The following VAPB variants were observed in gnomAD, a reference collection of about 807,000 sequenced individuals.
VAPB encodes the protein VAMP associated protein B and C.
VAPB carries 7 observed loss-of-function variants against 25.6 expected under a neutral mutation model. That is an observed-to-expected ratio of 0.27 (90% CI 0.16 to 0.51). The LOEUF (loss-of-function observed/expected upper bound fraction) is 0.51, where lower values mean the gene tolerates loss of function less well. VAPB is among the 20% of genes least tolerant of loss of function. The pLI is 0.97. For missense variants in VAPB, 266 were observed against 301.3 expected (o/e 0.88, Z 0.87); for synonymous variants, 112 against 109.2 (o/e 1.03, Z -0.16).
In VAPB at chr20:58,447,331, A is replaced by G. The variant is rs1345424320; in HGVS notation, c.*3096A>G. 7 of 453,950 alleles carry G rather than the reference A, an allele frequency of 1.5e-5. No homozygotes were observed. The highest frequency in any genetic ancestry group is 1.4e-4 in the Admixed American group (6 of 42,556). 28.1% of individuals were successfully genotyped at this position (453,950 alleles called of 1,614,324 possible). A position where few individuals can be genotyped will look rare whatever the true frequency, so the allele number is the denominator to read the frequency against. ...CTGGCTTTAACTTTTTTCTCCTCCT[A>G]GTTTGCATGTTTTCCTTCTCTCGTC... On this transcript the variant is annotated 3_prime_UTR_variant, in exon 6 of 6. Transcript: ENST00000475243.
In VAPB at chr20:58,450,349, CCT is replaced by C. The variant is rs1375865386; in HGVS notation, c.*6117_*6118del. 1 of 451,738 alleles carries C rather than the reference CCT, an allele frequency of 2.2e-6. No individual in the cohort carries two copies. The highest frequency in any genetic ancestry group is 4.4e-6 in the Non-Finnish European group (1 of 225,830). 28.0% of individuals were successfully genotyped at this position (451,738 alleles called of 1,614,324 possible). A position where few individuals can be genotyped will look rare whatever the true frequency, so the allele number is the denominator to read the frequency against. On this transcript the variant is annotated 3_prime_UTR_variant, in exon 6 of 6. Coordinates refer to ENST00000475243, the MANE Select transcript of VAPB (RefSeq NM_004738.5). ...TCCTTAGCAAACGTTTCGTAAGTAC[CCT>C]CTGTCTGTTTGCTACTATATGAGGT...
chr20:58,409,934 C>CAA (rs1555811897), intron 1 of VAPB, among the ~76,000 whole-genome samples: 25 of 148,454 alleles, frequency 1.7e-4, no homozygotes, highest in African/African-American at 4.3e-4. Context: ...CACACACACA[C>CAA]AATACAGATA....
rs77332354 is a variant in VAPB at position 58,400,989 on chromosome 20, C to G, written c.58+11472C>G. ...TCTTGAGAGAATGTGCAGATGCACA[C>G]AATCAAAACTTTTCATGTAATTTGC... On this transcript the variant is annotated intron_variant, in intron 1 of 5. Transcript: ENST00000475243. Among the ~76,000 whole-genome samples the G allele has an allele frequency of 5.1e-3, 773 of 152,332 alleles. 1 individual carries two copies. The highest frequency in any genetic ancestry group is 7.4e-3 in the Non-Finnish European group (504 of 68,030).
chr20:58,449,576 G>A lies in VAPB; in HGVS notation c.*5341G>A. 1 of 454,072 alleles carries A rather than the reference G, an allele frequency of 2.2e-6. No homozygotes were observed. Among genetic ancestry groups the A allele is most frequent in the Non-Finnish European group, 4.4e-6 (1 of 226,792 alleles). 28.1% of individuals were successfully genotyped at this position (454,072 alleles called of 1,614,324 possible). Reference sequence around the variant, plus strand: ...AAATATTTGCAGTTATGATACCTTGGAATGTTGCCACGATATGGATTGCTT... The same window carrying A: ...AAATATTTGCAGTTATGATACCTTGAAATGTTGCCACGATATGGATTGCTT... On this transcript the variant is annotated 3_prime_UTR_variant, in exon 6 of 6. Transcript: ENST00000475243.
chr20:58,430,387 G>A (rs1287571062), intron 2 of VAPB, among the ~76,000 whole-genome samples: 3 of 151,606 alleles, frequency 2.0e-5, no homozygotes, highest in South Asian at 2.1e-4. Flanking sequence ...TCAGCCTCCC[G>A]AATAGCTGGG....
At chr20:58,407,652 CT>C (rs143424822) in intron 1 of VAPB, among the ~76,000 whole-genome samples, 13 of 145,702 alleles carry the variant, frequency 8.9e-5, no homozygotes, top group South Asian at 2.2e-4. Flanking sequence ...ATACGCCCTC[CT>C]TTTTTTTTTG....
chr20:58,449,333 T>A lies in VAPB; in HGVS notation c.*5098T>A, dbSNP rs1798322665. 2.2e-6 allele frequency: 1 copy of A among 449,850 alleles called. No individual in the cohort carries two copies. Among genetic ancestry groups the A allele is most frequent in the East Asian group, 6.9e-5 (1 of 14,390 alleles). The allele number at this position is 449,850 out of a possible 1,614,324, so 27.9% of individuals were successfully genotyped here. A position where few individuals can be genotyped will look rare whatever the true frequency, so the allele number is the denominator to read the frequency against. ...CTTTTTATTTTCATTACAGAGATAT[T>A]TTGAAAAATTTAAAAGACATGAACT... On this transcript the variant is annotated 3_prime_UTR_variant, in exon 6 of 6. Coordinates refer to ENST00000475243, the MANE Select transcript of VAPB (RefSeq NM_004738.5).
intron 1 of VAPB, 57 bp from the exon 2 acceptor site, chr20:58,418,154 C>T: frequency 6.2e-7 from 1 of 1,611,016 alleles, no homozygotes; most frequent in Non-Finnish European, 8.5e-7. Context: ...CTCTTTTCCA[C>T]AAACCTTCTA....
intron 1 of VAPB, among the ~76,000 whole-genome samples, chr20:58,400,620 T>C (rs905027937): frequency 1.3e-5 from 2 of 152,246 alleles, no homozygotes; most frequent in South Asian, 2.1e-4. Flanking sequence ...GTTTTTGTTT[T>C]AGTATTTCTG....
chr20:58,416,893 A>G (rs1252725208), intron 1 of VAPB, among the ~76,000 whole-genome samples: 5 of 152,182 alleles, frequency 3.3e-5, no homozygotes, highest in Non-Finnish European at 1.5e-5. Context: ...TCTTTATTCT[A>G]TGCCAGCCAC....
chr20:58,444,334 T>C lies in VAPB; in HGVS notation c.*99T>C. On this transcript the variant is annotated 3_prime_UTR_variant, in exon 6 of 6. Transcript: ENST00000475243. ...TGTGTAAAAAGAAATTAATGTATGATGACATCTCACAGGTCTTGCCTTTAA... is the reference window on the plus strand; with the variant it reads ...TGTGTAAAAAGAAATTAATGTATGACGACATCTCACAGGTCTTGCCTTTAA... 2 of 1,575,666 alleles carry C rather than the reference T, an allele frequency of 1.3e-6. No individual in the cohort carries two copies. Among genetic ancestry groups the C allele is most frequent in the Non-Finnish European group, 1.7e-6 (2 of 1,146,824 alleles).
intron 1 of VAPB, among the ~76,000 whole-genome samples, chr20:58,406,495 T>G (rs1988232148): frequency 6.6e-6 from 1 of 152,200 alleles, no homozygotes; most frequent in Non-Finnish European, 1.5e-5. Flanking sequence ...CAGAACAGAT[T>G]ACACACTAAC....
intron 1 of VAPB, among the ~76,000 whole-genome samples, chr20:58,401,320 A>G (rs1483045537): frequency 6.6e-6 from 1 of 152,112 alleles, no homozygotes; most frequent in Non-Finnish European, 1.5e-5. Context: ...CTGTGTTGTC[A>G]GTCCTTTTTA....
intron 1 of VAPB, among the ~76,000 whole-genome samples, chr20:58,396,016 G>T (rs906645034): frequency 6.6e-6 from 1 of 152,168 alleles, no homozygotes; most frequent in Non-Finnish European, 1.5e-5. Flanking sequence ...TACAAACACT[G>T]TCTTTGTAGA....
intron 1 of VAPB, among the ~76,000 whole-genome samples, chr20:58,397,108 G>A (rs1987976541): frequency 6.6e-6 from 1 of 152,162 alleles, no homozygotes; most frequent in African/African-American, 2.4e-5. Flanking sequence ...TTTTTTAGGA[G>A]GGATTTCTTG....
At position 58,450,903 on chromosome 20, in the gene VAPB, T is replaced by C. The variant is rs756015259; in HGVS notation, c.*6668T>C. The stretch of plus-strand genomic sequence containing the variant: ...GGTTTTCTGATATGTAATAAATTCA[T>C]GGCTTGGCAGCTGACATGATGTTTC... On this transcript the variant is annotated 3_prime_UTR_variant, in exon 6 of 6. Transcript: ENST00000475243. 4.4e-6 allele frequency: 2 copies of C among 454,120 alleles called. No individual in the cohort carries two copies. The highest frequency in any genetic ancestry group is 3.1e-5 in the South Asian group (2 of 64,466). The allele number at this position is 454,120 out of a possible 1,614,324, so 28.1% of individuals were successfully genotyped here. A position where few individuals can be genotyped will look rare whatever the true frequency, so the allele number is the denominator to read the frequency against.
intron 1 of VAPB, chr20:58,390,064 G>C (rs1316111971): frequency 3.3e-5 from 5 of 153,576 alleles, no homozygotes; most frequent in African/African-American, 1.2e-4. Flanking sequence ...GCTCTTGTCA[G>C]TTCGCTGCTG....
intron 1 of VAPB, among the ~76,000 whole-genome samples, chr20:58,391,941 T>TG (rs1417191664): frequency 5.9e-5 from 9 of 152,216 alleles, no homozygotes; most frequent in Non-Finnish European, 1.3e-4. Flanking sequence ...TATGCATAGA[T>TG]GCAGCCAGTG....
chr20:58,392,768 T>C (rs1987839138), intron 1 of VAPB, among the ~76,000 whole-genome samples: 1 of 152,252 alleles, frequency 6.6e-6, no homozygotes, highest in Non-Finnish European at 1.5e-5. Flanking sequence ...GATTGTATAT[T>C]GTCAGACTCT....
Sources: gnomAD v4.1 joint callset for allele counts (sites outside exome capture counted in the v4.1 genomes callset) on GRCh38, gnomAD v4.1.1 for gene constraint, MANE v1.5 for transcripts, NCBI Gene and HGNC (gene_info 2026-07-23, HGNC 2026-07-21) for gene names.